SHOC1: variants seen among roughly 807,000 people sequenced by gnomAD.
SHOC1 encodes the protein shortage in chiasmata 1, also known as protein shortage in chiasmata 1 ortholog.
Under a neutral mutation model 179.2 loss-of-function variants are expected in SHOC1, and 136 were observed. The ratio of observed to expected loss-of-function variants is 0.76; its 90% CI spans 0.66 to 0.87. The LOEUF (loss-of-function observed/expected upper bound fraction) is 0.87, where lower values mean the gene tolerates loss of function less well. Among genes scored for constraint, SHOC1 ranks in the 40% least tolerant of loss-of-function variants. SHOC1 has a pLI of 0.00. For missense variants in SHOC1, 1,538 were observed against 1,700.8 expected, an observed-to-expected ratio of 0.90 and a Z score of 1.68; for synonymous variants, 489 against 586.6, an observed-to-expected ratio of 0.83 and a Z score of 2.41.
chr9:111,771,801 A>G (rs1049116831), intron 5 of SHOC1, among the ~76,000 whole-genome samples: 2 of 151,550 alleles, frequency 1.3e-5, no homozygotes, highest in Non-Finnish European at 2.9e-5. Flanking sequence ...GAGGTCCTTT[A>G]TATGTTATTT....
intron 24 of SHOC1, among the ~76,000 whole-genome samples, chr9:111,694,782 CAAAGTT>C (rs1831614032): frequency 6.6e-6 from 1 of 151,494 alleles, no homozygotes; most frequent in Non-Finnish European, 1.5e-5. Flanking sequence ...TTTTCAAAGA[CAAAGTT>C]AAAAAATAAG....
At chr9:111,699,225 A>G (rs1389536849) in intron 24 of SHOC1, among the ~76,000 whole-genome samples, 2 of 152,170 alleles carry the variant, frequency 1.3e-5, no homozygotes, top group African/African-American at 4.8e-5. Flanking sequence ...CATACTCTAG[A>G]TACACTGCAG....
At chr9:111,790,230 G>C (rs1264846452) in intron 2 of SHOC1, among the ~76,000 whole-genome samples, 1 of 152,114 alleles carries the variant, frequency 6.6e-6, no homozygotes, top group Non-Finnish European at 1.5e-5. Context: ...TAGTAGGATG[G>C]TGCAAAAGTA....
At chr9:111,726,626 C>T (rs1480565142) in intron 13 of SHOC1, among the ~76,000 whole-genome samples, 1 of 152,106 alleles carries the variant, frequency 6.6e-6, no homozygotes, top group African/African-American at 2.4e-5. Context: ...AATAAATATA[C>T]CCATCATGAC....
chr9:111,774,286 T>A (rs933453541), intron 5 of SHOC1, among the ~76,000 whole-genome samples: 3 of 152,056 alleles, frequency 2.0e-5, no homozygotes, highest in Non-Finnish European at 4.4e-5. Flanking sequence ...TCTTAAAAAT[T>A]TTCTCCCAAA....
Position 111,714,623 on chromosome 9 carries a change from C to T in SHOC1, c.2237G>A (p.Gly746Glu). ...LLTCSLDTAL[G>E]YLSKAKDIYN... Reference sequence around the variant, plus strand: ...GATATCTTTTGCCTTCGACAAATATCCTATTGAAGCAAAATTAGAAAAAAA... The same window carrying T: ...GATATCTTTTGCCTTCGACAAATATTCTATTGAAGCAAAATTAGAAAAAAA... Residue 746 changes from glycine (G) to glutamate (E), a missense_variant and splice_region_variant, in exon 17 of 28, where the codon GGA becomes GAA. Physicochemically the swap from Gly to Glu is moderately conservative, Grantham distance 98 (BLOSUM62 -2). Coordinates refer to ENST00000682961, the MANE Select transcript of SHOC1 (RefSeq NM_001378211.1). The T allele has an allele frequency of 6.3e-7, 1 of 1,597,712 alleles. No homozygotes were observed. Among genetic ancestry groups the T allele is most frequent in the Non-Finnish European group, 8.5e-7 (1 of 1,176,118 alleles).
intron 10 of SHOC1, among the ~76,000 whole-genome samples, chr9:111,744,694 G>T (rs935324485): frequency 3.9e-5 from 6 of 152,108 alleles, no homozygotes; most frequent in African/African-American, 1.4e-4. Context: ...CTGAAAATAT[G>T]TTATTTTAGG....
chr9:111,733,205 T>A (rs1301554678), intron 12 of SHOC1, among the ~76,000 whole-genome samples: 5 of 152,242 alleles, frequency 3.3e-5, no homozygotes, highest in Non-Finnish European at 7.3e-5. Context: ...TGTAAATTAG[T>A]AAAATGTATG....
chr9:111,777,615 T>A (rs1245442167), intron 4 of SHOC1, among the ~76,000 whole-genome samples: 1 of 152,182 alleles, frequency 6.6e-6, no homozygotes, highest in East Asian at 1.9e-4. Flanking sequence ...CTTACCTGTT[T>A]CCTGATTGAT....
chr9:111,774,212 C>CA (rs1356973550), intron 5 of SHOC1, among the ~76,000 whole-genome samples: 1 of 151,758 alleles, frequency 6.6e-6, no homozygotes, highest in Non-Finnish European at 1.5e-5. Flanking sequence ...TTTATCCCCA[C>CA]AAAAAATTAT....
rs146859895 is a variant in SHOC1 at position 111,693,213 on chromosome 9, C to T, written c.3465+586G>A. ...CCTAGCTGCTCGGGAGGCTGAGGCA[C>T]GAGAATTGCTTGAACCCAGGAGCTG... On this transcript the variant is annotated intron_variant, in intron 26 of 27. Transcript: ENST00000682961. Among the ~76,000 whole-genome samples the T allele has an allele frequency of 3.9e-3, 585 of 150,754 alleles. 8 individuals carry two copies. The highest frequency in any genetic ancestry group is 0.014 in the African/African-American group (569 of 40,998).
chr9:111,765,109 C>G (rs1269664351), intron 5 of SHOC1, among the ~76,000 whole-genome samples: 1 of 150,988 alleles, frequency 6.6e-6, no homozygotes, highest in East Asian at 1.9e-4. Context: ...CCACTGCACT[C>G]CAGCCTGGGC....
At chr9:111,740,642 A>T (rs1484090236) in intron 11 of SHOC1, among the ~76,000 whole-genome samples, 1 of 152,146 alleles carries the variant, frequency 6.6e-6, no homozygotes, top group Non-Finnish European at 1.5e-5. Context: ...TGGTGATCTC[A>T]GCTCTTGCAA....
chr9:111,699,220 T>G (rs866096602), intron 24 of SHOC1, among the ~76,000 whole-genome samples: 40 of 152,222 alleles, frequency 2.6e-4, no homozygotes, highest in Middle Eastern at 6.8e-3. Context: ...AGAGACATAC[T>G]CTAGATACAC....
chr9:111,747,523 T>G (rs891642812), intron 9 of SHOC1, among the ~76,000 whole-genome samples: 1 of 152,132 alleles, frequency 6.6e-6, no homozygotes. Context: ...TTAATATTAA[T>G]GCTATTTCCT....
At chr9:111,737,584 C>T (rs980987606) in intron 12 of SHOC1, among the ~76,000 whole-genome samples, 5 of 151,748 alleles carry the variant, frequency 3.3e-5, no homozygotes, top group Admixed American at 6.6e-5. Flanking sequence ...CACTTGAACC[C>T]GGGAGGTGGA....
chr9:111,723,643 G>T, intron 14 of SHOC1, 149 bp downstream of exon 14: 1 of 775,198 alleles, frequency 1.3e-6, no homozygotes, highest in Non-Finnish European at 2.1e-6. Flanking sequence ...ATTCCAGATT[G>T]GGATATAACT....
At chr9:111,777,550 A>C (rs751977296) in intron 4 of SHOC1, among the ~76,000 whole-genome samples, 3 of 152,182 alleles carry the variant, frequency 2.0e-5, no homozygotes, top group African/African-American at 7.2e-5. Flanking sequence ...AGGCGGTTTC[A>C]ACTTCCTACT....
chr9:111,735,219 C>T (rs973729762), intron 12 of SHOC1, among the ~76,000 whole-genome samples: 3 of 151,620 alleles, frequency 2.0e-5, no homozygotes, highest in Admixed American at 1.3e-4. Flanking sequence ...AGTTCTGGGA[C>T]ACATGTGCAG....
Sources: allele counts gnomAD v4.1 joint callset (sites outside exome capture counted in the v4.1 genomes callset), GRCh38; gene constraint gnomAD v4.1.1; transcripts MANE v1.5; gene names NCBI Gene and HGNC (gene_info 2026-07-23, HGNC 2026-07-21).